The following EIF4EBP2 variants were observed in gnomAD, a reference collection of about 807,000 sequenced individuals.
The protein encoded by EIF4EBP2 is eukaryotic translation initiation factor 4E-binding protein 2.
EIF4EBP2 carries 5 observed loss-of-function variants against 10.3 expected under a neutral mutation model. That is an observed-to-expected ratio of 0.48 (90% CI 0.25 to 1.02). The LOEUF (loss-of-function observed/expected upper bound fraction) is 1.02, where lower values mean the gene tolerates loss of function less well. EIF4EBP2 is among the 50% of genes least tolerant of loss of function. The pLI is 0.15. For synonymous variants in EIF4EBP2, 67 were observed against 61.1 expected (o/e 1.10, Z -0.45); for missense variants, 188 against 162.2 (o/e 1.16, Z -0.86).
intron 2 of EIF4EBP2, among the ~76,000 whole-genome samples, chr10:70,420,611 ATGTAGT>A (rs1845145583): frequency 6.6e-6 from 1 of 152,188 alleles, no homozygotes; most frequent in Non-Finnish European, 1.5e-5. Context: ...CATAAATCTG[ATGTAGT>A]TGGTGGGAGA....
Position 70,425,024 on chromosome 10 carries a change from A to G in EIF4EBP2, c.*3277A>G, listed in dbSNP as rs1228350030. ...AAGAATTTGGGAGTAGTTTAACATG[A>G]TGGTTCTGGCCCATGGTATCATGAA... On this transcript the variant is annotated 3_prime_UTR_variant, in exon 3 of 3. Coordinates refer to ENST00000373218, the MANE Select transcript of EIF4EBP2 (RefSeq NM_004096.5). 2.6e-5 allele frequency: 4 copies of G among 152,218 alleles called. No homozygotes were observed. Among genetic ancestry groups the G allele is most frequent in the African/African-American group, 7.2e-5 (3 of 41,454 alleles). The allele number at this position is 152,218 out of a possible 1,614,324, so 9.4% of individuals were successfully genotyped here. A position where few individuals can be genotyped will look rare whatever the true frequency, so the allele number is the denominator to read the frequency against.
intron 1 of EIF4EBP2, among the ~76,000 whole-genome samples, chr10:70,419,292 A>T (rs2137231298): frequency 6.6e-6 from 1 of 152,330 alleles, no homozygotes; most frequent in East Asian, 1.9e-4. Context: ...ACTCTTCAAA[A>T]CTATTGTTTT....
In EIF4EBP2 at chr10:70,408,183, C is replaced by T. The variant is rs369928980; in HGVS notation, c.145+3637C>T. ...TGACCCCCCCCACCTCCCTCCCGGACGGGGCGGCTGGCCGGGCGGGGGGCT... is the reference window on the plus strand; with the variant it reads ...TGACCCCCCCCACCTCCCTCCCGGATGGGGCGGCTGGCCGGGCGGGGGGCT... On this transcript the variant is annotated intron_variant, in intron 1 of 2. Coordinates refer to ENST00000373218, the MANE Select transcript of EIF4EBP2 (RefSeq NM_004096.5). 1.5e-3 allele frequency among the ~76,000 whole-genome samples: 185 copies of T among 123,322 alleles called. 2 individuals are homozygous for T. In the East Asian group the frequency reaches 0.034, roughly 23 times the overall value. 80.9% of individuals were successfully genotyped at this position (123,322 alleles called of 152,430 possible). A position where few individuals can be genotyped will look rare whatever the true frequency, so the allele number is the denominator to read the frequency against.
At chr10:70,419,858 T>G in intron 1 of EIF4EBP2, 56 bp from the exon 2 acceptor site, 1 of 1,240,912 alleles carries the variant, frequency 8.1e-7, no homozygotes, top group Non-Finnish European at 1.1e-6. Flanking sequence ...CTGGGTGGTA[T>G]TATATGTTGA....
rs572113966 is a variant in EIF4EBP2 at position 70,409,519 on chromosome 10, A to C, written c.145+4973A>C. Among the ~76,000 whole-genome samples, 29 of 152,312 alleles carry C rather than the reference A, an allele frequency of 1.9e-4. No homozygotes were observed. In the South Asian group the frequency reaches 2.3e-3, roughly 12 times the overall value. On this transcript the variant is annotated intron_variant, in intron 1 of 2. Transcript: ENST00000373218. ...GTAACTTGTTAGTATTAAACAGCTA[A>C]TTATTGTCCGTGAGTCCCTCAAATT...
chr10:70,410,619 C>CTTG (rs1845034382), intron 1 of EIF4EBP2, among the ~76,000 whole-genome samples: 1 of 152,234 alleles, frequency 6.6e-6, no homozygotes, highest in Non-Finnish European at 1.5e-5. Flanking sequence ...GTCAATAAAA[C>CTTG]ATAGACCTTG....
chr10:70,407,331 G>T (rs1490360517), intron 1 of EIF4EBP2, among the ~76,000 whole-genome samples: 5 of 152,050 alleles, frequency 3.3e-5, no homozygotes, highest in Non-Finnish European at 4.4e-5. Context: ...CGAGCACGCT[G>T]CCTTCAAGCA....
chr10:70,408,290 G>C (rs1002535427), intron 1 of EIF4EBP2, among the ~76,000 whole-genome samples: 104 of 150,524 alleles, frequency 6.9e-4, no homozygotes, highest in Non-Finnish European at 1.3e-3. Context: ...GCCGGGCAGA[G>C]GCGCCCCTCA....
chr10:70,417,844 G>C (rs1016380613), intron 1 of EIF4EBP2, among the ~76,000 whole-genome samples: 69 of 152,170 alleles, frequency 4.5e-4, no homozygotes, highest in African/African-American at 1.6e-3. Context: ...CAAACAGATA[G>C]GCAAAGTCCA....
At chr10:70,420,398 G>A (rs201001309) in intron 2 of EIF4EBP2, among the ~76,000 whole-genome samples, 1 of 151,608 alleles carries the variant, frequency 6.6e-6, no homozygotes, top group Non-Finnish European at 1.5e-5. Flanking sequence ...ACGGGGTTTC[G>A]CCATGTTGCT....
At chr10:70,406,614 A>G (rs1012831891) in intron 1 of EIF4EBP2, among the ~76,000 whole-genome samples, 4 of 152,234 alleles carry the variant, frequency 2.6e-5, no homozygotes, top group African/African-American at 9.6e-5. Context: ...TTTAAAAATA[A>G]GGGCATAGTC....
Position 70,407,591 on chromosome 10 carries a change from G to A in EIF4EBP2, c.145+3045G>A, listed in dbSNP as rs932923269. ...TCCCCCCTTTCTATTCCACAAAACC[G>A]CCGTTGTCATCATGGCCCGTTCTCA... On this transcript the variant is annotated intron_variant, in intron 1 of 2. Transcript: ENST00000373218. Among the ~76,000 whole-genome samples, 10 of 151,814 alleles carry A rather than the reference G, an allele frequency of 6.6e-5. No homozygotes were observed. In the East Asian group the frequency reaches 9.8e-4, roughly 15 times the overall value.
chr10:70,404,345 C>T lies in EIF4EBP2; in HGVS notation c.-57C>T, dbSNP rs1844945175. The T allele has an allele frequency of 1.3e-6, 2 of 1,483,204 alleles. No individual in the cohort carries two copies. The highest frequency in any genetic ancestry group is 1.3e-5 in the South Asian group (1 of 76,498). The allele number at this position is 1,483,204 out of a possible 1,614,324, so 91.9% of individuals were successfully genotyped here. A position where few individuals can be genotyped will look rare whatever the true frequency, so the allele number is the denominator to read the frequency against. The stretch of plus-strand genomic sequence containing the variant: ...TCCGCCTGAGGAGCCGAAGCAGCCC[C>T]GGCCCCGCCGCCGCCGCCTGCCCGC... On this transcript the variant is annotated 5_prime_UTR_variant, in exon 1 of 3. Transcript: ENST00000373218.
rs1325948000 is a variant in EIF4EBP2 at position 70,424,524 on chromosome 10, G to C, written c.*2777G>C. ...AGAACAAGCCAGAGTCCATTGAGTG[G>C]TTTACCTCTGCATGTTTGGAGGGAA... is the stretch of plus-strand genomic sequence containing the variant. On this transcript the variant is annotated 3_prime_UTR_variant, in exon 3 of 3. Transcript: ENST00000373218. 2.0e-5 allele frequency: 3 copies of C among 152,236 alleles called. No homozygotes were observed. Among genetic ancestry groups the C allele is most frequent in the Admixed American group, 6.5e-5 (1 of 15,286 alleles). The allele number at this position is 152,236 out of a possible 1,614,324, so 9.4% of individuals were successfully genotyped here. A position where few individuals can be genotyped will look rare whatever the true frequency, so the allele number is the denominator to read the frequency against.
In EIF4EBP2 at chr10:70,404,563, C is replaced by T. The variant is rs1385031752; in HGVS notation, c.145+17C>T. The T allele has an allele frequency of 1.3e-6, 2 of 1,525,586 alleles. No homozygotes were observed. Among genetic ancestry groups the T allele is most frequent in the African/African-American group, 1.4e-5 (1 of 69,254 alleles). The allele number at this position is 1,525,586 out of a possible 1,614,324, so 94.5% of individuals were successfully genotyped here. ...CACCGGGAGGTGAGCGCCGGCCAGC[C>T]GTCCGCCGCGCCCGGTGTCCCGCCG... On this transcript the variant is annotated intron_variant, in intron 1 of 2. Transcript: ENST00000373218.
In EIF4EBP2 at chr10:70,421,752, C is replaced by A; in HGVS notation, c.*5C>A. 1 of 1,612,790 alleles carries A rather than the reference C, an allele frequency of 6.2e-7. No individual in the cohort carries two copies. Among genetic ancestry groups the A allele is most frequent in the Non-Finnish European group, 8.5e-7 (1 of 1,179,690 alleles). On this transcript the variant is annotated 3_prime_UTR_variant, in exon 3 of 3. Coordinates refer to ENST00000373218, the MANE Select transcript of EIF4EBP2 (RefSeq NM_004096.5). Reference sequence around the variant, plus strand: ...CAGTTCGAGATGGACATCTGACTCTCCTGCAAGGATTAGAAGAAAAGCAGC... The same window carrying A: ...CAGTTCGAGATGGACATCTGACTCTACTGCAAGGATTAGAAGAAAAGCAGC...
chr10:70,420,092 T>TG lies in EIF4EBP2; in HGVS notation c.325dup (p.Ala109GlyfsTer5). On this transcript the variant is annotated frameshift_variant, in exon 2 of 3. Transcript: ENST00000373218. LOFTEE classifies it high-confidence loss of function. ...ACTTGAACAATCACGACAGGAAACA[T>TG]GCAGTTGGTAAGAGAATGGCGATGT... 1.9e-6 allele frequency: 3 copies of TG among 1,603,024 alleles called. No homozygotes were observed. The highest frequency in any genetic ancestry group is 2.6e-6 in the Non-Finnish European group (3 of 1,175,916).
Position 70,419,931 on chromosome 10 carries a change from G to C in EIF4EBP2, c.163G>C (p.Asp55His). 1 of 1,584,968 alleles carries C rather than the reference G, an allele frequency of 6.3e-7. No homozygotes were observed. The change falls in exon 2 of 3, where the codon GAC (aspartate) becomes CAC (histidine). Residue 55 changes from aspartate to histidine, a missense_variant. By Grantham distance (81) the Asp-to-His change is moderately conservative. Coordinates refer to ENST00000373218, the MANE Select transcript of EIF4EBP2 (RefSeq NM_004096.5). Reference protein sequence around the residue: ...TTPGGTRIIYDRKFLLDRRNS... With the variant: ...TTPGGTRIIYHRKFLLDRRNS... ...TTTTCCAGGAACTCGAATCATTTAT[G>C]ACAGAAAGTTTCTGTTGGATCGTCG...
rs1845163078 is a variant in EIF4EBP2, at chr10:70,422,056, T to C, written c.*309T>C. On this transcript the variant is annotated 3_prime_UTR_variant, in exon 3 of 3. Transcript: ENST00000373218. ...ACTCTGACTTTCCTAGTTGTTTTTT[T>C]ATTGAGAGCCACCCTCATACCCTGT... 1 of 369,942 alleles carries C rather than the reference T, an allele frequency of 2.7e-6. No individual in the cohort carries two copies. The highest frequency in any genetic ancestry group is 2.0e-5 in the African/African-American group (1 of 49,840). 22.9% of individuals were successfully genotyped at this position (369,942 alleles called of 1,614,324 possible).
Sources: gnomAD v4.1 joint callset for allele counts (sites outside exome capture counted in the v4.1 genomes callset) on GRCh38, gnomAD v4.1.1 for gene constraint, MANE v1.5 for transcripts, NCBI Gene and HGNC (gene_info 2026-07-23, HGNC 2026-07-21) for gene names.